The following SIK3 variants were observed in gnomAD, a reference collection of about 807,000 sequenced individuals.
The protein encoded by SIK3 is SIK family kinase 3, also known as serine/threonine-protein kinase SIK3.
SIK3 carries 28 observed loss-of-function variants against 144.2 expected under a neutral mutation model. That is an observed-to-expected ratio of 0.19 (90% CI 0.14 to 0.27). The LOEUF is 0.27. Among genes scored for constraint, SIK3 ranks in the 10% least tolerant of loss-of-function variants. SIK3 has a pLI of 1.00. For synonymous variants in SIK3, 686 were observed against 676.3 expected (o/e 1.01, Z -0.22); for missense variants, 1,319 against 1,776.0 (o/e 0.74, Z 4.62).
intron 1 of SIK3, among the ~76,000 whole-genome samples, chr11:117,042,777 C>A (rs529313972): frequency 6.6e-6 from 1 of 152,228 alleles, no homozygotes; most frequent in African/African-American, 2.4e-5. Flanking sequence ...AGTGCAACAG[C>A]GTGAAGGAAA....
chr11:117,087,477 ATTCCTC>A (rs143391413), intron 1 of SIK3, among the ~76,000 whole-genome samples: 1,529 of 152,224 alleles, frequency 0.01, 25 homozygotes, highest in African/African-American at 0.036. Flanking sequence ...AATTCTTGTC[ATTCCTC>A]TTCCAGGTTT....
At chr11:116,926,742 C>T (rs190142295) in intron 4 of SIK3, among the ~76,000 whole-genome samples, 2 of 152,178 alleles carry the variant, frequency 1.3e-5, no homozygotes, top group Admixed American at 6.5e-5. Context: ...ATAAACAGGC[C>T]GGGTGTGGTG....
At chr11:117,079,513 A>G (rs1954692026) in intron 1 of SIK3, among the ~76,000 whole-genome samples, 1 of 152,230 alleles carries the variant, frequency 6.6e-6, no homozygotes. Flanking sequence ...CATTGCCCTC[A>G]TGAGACTTAC....
At chr11:117,023,605 C>CAAAA (rs1306485013) in intron 1 of SIK3, among the ~76,000 whole-genome samples, 53 of 64,068 alleles carry the variant, frequency 8.3e-4, no homozygotes, top group African/African-American at 1.2e-3. Flanking sequence ...AACAAACAAA[C>CAAAA]AAACAAAAAA....
intron 1 of SIK3, among the ~76,000 whole-genome samples, chr11:117,023,621 A>AATATAT (rs1555131639): frequency 1.3e-3 from 121 of 95,336 alleles, no homozygotes; most frequent in East Asian, 7.1e-3. Context: ...AAAAAAAAAA[A>AATATAT]ATATATATAT....
At chr11:116,981,515 G>A (rs1030853154) in intron 1 of SIK3, among the ~76,000 whole-genome samples, 1 of 152,194 alleles carries the variant, frequency 6.6e-6, no homozygotes, top group Non-Finnish European at 1.5e-5. Context: ...GGACTGCCCA[G>A]CTTCAACAGA....
At chr11:116,983,166 G>A (rs1156675363) in intron 1 of SIK3, among the ~76,000 whole-genome samples, 3 of 151,088 alleles carry the variant, frequency 2.0e-5, no homozygotes, top group African/African-American at 4.9e-5. Context: ...GGCGGAGCTT[G>A]CAGTGAGCCA....
At chr11:117,005,707 T>A (rs988642567) in intron 1 of SIK3, among the ~76,000 whole-genome samples, 1 of 152,234 alleles carries the variant, frequency 6.6e-6, no homozygotes, top group African/African-American at 2.4e-5. Flanking sequence ...TCTATTACTA[T>A]CTTTTGCTGC....
chr11:117,050,289 C>T (rs995025192), intron 1 of SIK3, among the ~76,000 whole-genome samples: 2 of 151,038 alleles, frequency 1.3e-5, no homozygotes, highest in African/African-American at 4.9e-5. Flanking sequence ...GACTCCATCA[C>T]ACACACACAC....
intron 1 of SIK3, among the ~76,000 whole-genome samples, chr11:117,057,882 T>G (rs1285196944): frequency 6.6e-6 from 1 of 152,204 alleles, no homozygotes; most frequent in East Asian, 1.9e-4. Context: ...TATGTGTAAG[T>G]GCTAAGAACA....
intron 1 of SIK3, among the ~76,000 whole-genome samples, chr11:117,073,312 C>A (rs765051984): frequency 9.9e-5 from 15 of 152,172 alleles, no homozygotes; most frequent in African/African-American, 3.6e-4. Context: ...CCATAACAGA[C>A]AAGTTGTCTG....
chr11:116,954,845 A>G (rs1054958244), intron 2 of SIK3, among the ~76,000 whole-genome samples: 7 of 152,160 alleles, frequency 4.6e-5, no homozygotes, highest in Non-Finnish European at 8.8e-5. Flanking sequence ...CTCCATCTCA[A>G]TCCCCAGAGG....
At position 116,849,107 on chromosome 11, in the gene SIK3, G is replaced by A; in HGVS notation, c.3819+13C>T. On this transcript the variant is annotated intron_variant, in intron 22 of 24. Coordinates refer to ENST00000445177, the MANE Select transcript of SIK3 (RefSeq NM_001366686.3). This position sits in a 1 kb window ranked among gnomAD's most constrained non-coding sequence, Gnocchi z 4.2. ...GAGGATCCACCTCTGTGCAGCAGGT[G>A]GGACCAACATACATAAGCATCGTCG... 1.3e-6 allele frequency: 2 copies of A among 1,572,156 alleles called. No homozygotes were observed. The highest frequency in any genetic ancestry group is 1.7e-6 in the Non-Finnish European group (2 of 1,154,670).
intron 1 of SIK3, among the ~76,000 whole-genome samples, chr11:117,033,049 A>G (rs1952331926): frequency 6.6e-6 from 1 of 152,220 alleles, no homozygotes; most frequent in Non-Finnish European, 1.5e-5. Flanking sequence ...CAGGACTTAA[A>G]ATAAGGCTTC....
intron 1 of SIK3, among the ~76,000 whole-genome samples, chr11:117,047,927 A>G (rs1343115152): frequency 1.3e-5 from 2 of 152,214 alleles, no homozygotes; most frequent in Non-Finnish European, 1.5e-5. Flanking sequence ...TGGTGAATGT[A>G]AAACACTGAG....
At position 116,999,248 on chromosome 11, in the gene SIK3, T is replaced by C. The variant is rs374937836; in HGVS notation, c.274-42184A>G. ...TTTCTTATCAGTTGATATACTTCAC[T>C]TGTAGGTCCATCTCTTCTTTATGCT... On this transcript the variant is annotated intron_variant, in intron 1 of 24. Transcript: ENST00000445177. 9.2e-4 allele frequency among the ~76,000 whole-genome samples: 140 copies of C among 152,340 alleles called. No homozygotes were observed. The Middle Eastern group carries it at 0.014, about 15-fold the overall frequency.
At chr11:116,909,481 A>G (rs1484667591) in intron 4 of SIK3, among the ~76,000 whole-genome samples, 1 of 152,198 alleles carries the variant, frequency 6.6e-6, no homozygotes, top group African/African-American at 2.4e-5. Context: ...CTACACAGGT[A>G]TTTGCTTCTA....
At chr11:116,943,407 C>G (rs1948419162) in intron 3 of SIK3, among the ~76,000 whole-genome samples, 1 of 152,154 alleles carries the variant, frequency 6.6e-6, no homozygotes, top group South Asian at 2.1e-4. Context: ...ACCAACTCCT[C>G]TAAGACTAGC....
At chr11:116,983,539 T>G (rs886216233) in intron 1 of SIK3, among the ~76,000 whole-genome samples, 1 of 150,718 alleles carries the variant, frequency 6.6e-6, no homozygotes, top group African/African-American at 2.4e-5. Flanking sequence ...AAAAAAAAAA[T>G]TGGTCAATAA....
Sources: allele counts gnomAD v4.1 joint callset (sites outside exome capture counted in the v4.1 genomes callset), GRCh38; gene constraint gnomAD v4.1.1; non-coding constraint Gnocchi (gnomAD v3.1); transcripts MANE v1.5; gene names NCBI Gene and HGNC (gene_info 2026-07-23, HGNC 2026-07-21).